Variants in SLC35D4 observed in about 807,000 individuals in gnomAD.
SLC35D4 encodes the protein solute carrier family 35 member D4, also known as UDP-N-acetylglucosamine transporter SLC35D4.
the SLC35D4 span, among the ~76,000 whole-genome samples, chr18:23,404,386 A>G: frequency 2.6e-5 from 4 of 152,016 alleles, no homozygotes; most frequent in South Asian, 8.3e-4. Flanking sequence ...CTTATAAAAC[A>G]GCCCCAGGCA....
the SLC35D4 span, among the ~76,000 whole-genome samples, chr18:23,312,392 G>A: frequency 4.8e-3 from 729 of 152,222 alleles, 6 homozygotes; most frequent in African/African-American, 0.017. Flanking sequence ...CAGCCACTCC[G>A]GTGCCTTCGC....
chr18:23,245,233 C>T, the SLC35D4 span, among the ~76,000 whole-genome samples: 8 of 152,130 alleles, frequency 5.3e-5, no homozygotes, highest in Non-Finnish European at 1.0e-4. Context: ...ATGGGCCGGG[C>T]GTAGTGCCTC....
the SLC35D4 span, among the ~76,000 whole-genome samples, chr18:23,388,987 CTTTTTTTTTT>C: frequency 7.9e-6 from 1 of 126,194 alleles, no homozygotes; most frequent in African/African-American, 3.1e-5. Flanking sequence ...TCAAGTAGTT[CTTTTTTTTTT>C]TTTTTTTTTT....
the SLC35D4 span, among the ~76,000 whole-genome samples, chr18:23,274,895 G>A: frequency 5.3e-5 from 8 of 152,190 alleles, no homozygotes; most frequent in African/African-American, 9.7e-5. Context: ...TGCGGCAGGC[G>A]TGTGAATGCG....
At chr18:23,371,280 A>G in the SLC35D4 span, 1 of 602,438 alleles carries the variant, frequency 1.7e-6, no homozygotes, top group Admixed American at 3.9e-5. Context: ...TTTTTTGTAG[A>G]GATGGGGTTT....
chr18:23,413,433 C>T, the SLC35D4 span, among the ~76,000 whole-genome samples: 1 of 152,182 alleles, frequency 6.6e-6, no homozygotes, highest in Non-Finnish European at 1.5e-5. Context: ...CCTTCCCCAC[C>T]AGGTGGTCAG....
the SLC35D4 span, among the ~76,000 whole-genome samples, chr18:23,239,470 A>C: frequency 6.6e-6 from 1 of 152,212 alleles, no homozygotes; most frequent in African/African-American, 2.4e-5. Context: ...TGTGTATTAC[A>C]AAGGGCCTCA....
the SLC35D4 span, chr18:23,259,139 C>T: frequency 6.6e-6 from 1 of 152,356 alleles, no homozygotes; most frequent in African/African-American, 2.4e-5. Flanking sequence ...GCCTGAACTA[C>T]AAAATGCCCT....
At chr18:23,377,519 A>G in the SLC35D4 span, 1 of 813,880 alleles carries the variant, frequency 1.2e-6, no homozygotes, top group Non-Finnish European at 1.9e-6. Flanking sequence ...AATTAGGGAT[A>G]TATGAATGTT....
At chr18:23,397,861 TG>T in the SLC35D4 span, among the ~76,000 whole-genome samples, 3 of 152,168 alleles carry the variant, frequency 2.0e-5, no homozygotes, top group African/African-American at 7.2e-5. Flanking sequence ...AAGATCAGTC[TG>T]GGCAACAGAG....
chr18:23,390,059 CTT>C, the SLC35D4 span, among the ~76,000 whole-genome samples: 1,004 of 152,304 alleles, frequency 6.6e-3, 9 homozygotes, highest in African/African-American at 0.023. Context: ...GCTAAGATAT[CTT>C]GAGTGCTTAC....
chr18:23,429,309 C>G, the SLC35D4 span, among the ~76,000 whole-genome samples: 2 of 152,160 alleles, frequency 1.3e-5, 1 homozygote, highest in Non-Finnish European at 2.9e-5. Context: ...ACAATCCTAC[C>G]AACAGTGTAT....
chr18:23,252,186 G>A, the SLC35D4 span, among the ~76,000 whole-genome samples: 4 of 152,166 alleles, frequency 2.6e-5, no homozygotes, highest in African/African-American at 7.2e-5. Flanking sequence ...GAGACATAAA[G>A]TGGAGTAGTG....
chr18:23,364,097 C>G, the SLC35D4 span, among the ~76,000 whole-genome samples: 1 of 152,190 alleles, frequency 6.6e-6, no homozygotes, highest in Non-Finnish European at 1.5e-5. Context: ...AGGATCCTCA[C>G]TCAGATGGCA....
the SLC35D4 span, among the ~76,000 whole-genome samples, chr18:23,290,163 T>C: frequency 6.6e-6 from 1 of 152,208 alleles, no homozygotes; most frequent in South Asian, 2.1e-4. Flanking sequence ...AGAGTGCACC[T>C]TCCCTCCTGG....
the SLC35D4 span, among the ~76,000 whole-genome samples, chr18:23,426,098 C>G: frequency 6.6e-6 from 1 of 151,690 alleles, no homozygotes; most frequent in Admixed American, 6.6e-5. Context: ...ATTAAACTGA[C>G]AAGGATTAAA....
the SLC35D4 span, among the ~76,000 whole-genome samples, chr18:23,381,361 A>C: frequency 6.6e-6 from 1 of 152,296 alleles, no homozygotes; most frequent in Non-Finnish European, 1.5e-5. Flanking sequence ...GGGTTTTTAG[A>C]GTCAGGGTCT....
chr18:23,291,433 T>G, the SLC35D4 span, among the ~76,000 whole-genome samples: 1 of 152,380 alleles, frequency 6.6e-6, no homozygotes, highest in East Asian at 1.9e-4. Context: ...ATCTCATGCT[T>G]TTGTGGCAGG....
the SLC35D4 span, among the ~76,000 whole-genome samples, chr18:23,400,606 G>T: frequency 6.6e-6 from 1 of 152,084 alleles, no homozygotes; most frequent in African/African-American, 2.4e-5. Context: ...CAACCTGGGC[G>T]ACAGAGCAAG....
Sources: allele counts gnomAD v4.1 joint callset (sites outside exome capture counted in the v4.1 genomes callset), GRCh38; gene constraint gnomAD v4.1.1; transcripts MANE v1.5; gene names NCBI Gene and HGNC (gene_info 2026-07-23, HGNC 2026-07-21).